FAT3: variants seen among roughly 807,000 people sequenced by gnomAD.
FAT3 encodes protocadherin Fat 3.
In FAT3, 95 loss-of-function variants were observed where a neutral mutation model predicts 310.2. The observed-to-expected ratio is 0.31, with a 90% confidence interval of 0.26 to 0.36. FAT3 has a LOEUF of 0.36. Among genes scored for constraint, FAT3 ranks in the 10% least tolerant of loss-of-function variants. The pLI, the probability that FAT3 is intolerant of heterozygous loss-of-function variation, is 1.00. For missense variants in FAT3, 5,408 were observed against 5,715.6 expected, an observed-to-expected ratio of 0.95 and a Z score of 1.74; for synonymous variants, 2,314 against 2,192.9, an observed-to-expected ratio of 1.06 and a Z score of -1.54.
intron 1 of FAT3, among the ~76,000 whole-genome samples, chr11:92,226,298 C>G (rs1863905536): frequency 6.6e-6 from 1 of 152,142 alleles, no homozygotes; most frequent in Non-Finnish European, 1.5e-5. Flanking sequence ...TCTCCTCTCT[C>G]GTTGACTTTT....
At chr11:92,428,038 G>A (rs186596990) in intron 2 of FAT3, among the ~76,000 whole-genome samples, 3 of 151,954 alleles carry the variant, frequency 2.0e-5, no homozygotes, top group East Asian at 3.9e-4. Context: ...ATTAGTTACT[G>A]CTTCAATTTC....
chr11:92,276,253 A>C (rs1159370044), intron 1 of FAT3, among the ~76,000 whole-genome samples: 1 of 152,172 alleles, frequency 6.6e-6, no homozygotes, highest in South Asian at 2.1e-4. Flanking sequence ...ATGAGTCACA[A>C]AATTGTAAAA....
At chr11:92,471,254 G>T (rs1951895060) in intron 2 of FAT3, among the ~76,000 whole-genome samples, 1 of 152,056 alleles carries the variant, frequency 6.6e-6, no homozygotes, top group East Asian at 1.9e-4. Flanking sequence ...AATTATTGGG[G>T]CAAAGGGTGA....
intron 19 of FAT3, among the ~76,000 whole-genome samples, chr11:92,850,686 G>A (rs1355604862): frequency 6.6e-6 from 1 of 152,190 alleles, no homozygotes; most frequent in East Asian, 1.9e-4. Flanking sequence ...AATGTATGAG[G>A]CAGCAACATA....
At chr11:92,660,013 A>G (rs1942723650) in intron 3 of FAT3, among the ~76,000 whole-genome samples, 2 of 152,158 alleles carry the variant, frequency 1.3e-5, no homozygotes. Flanking sequence ...ATGGCTGTAC[A>G]TTCCAGGCAG....
chr11:92,255,364 T>C (rs1480478576), intron 1 of FAT3, among the ~76,000 whole-genome samples: 1 of 150,242 alleles, frequency 6.7e-6, no homozygotes, highest in African/African-American at 2.4e-5. Context: ...AAGGAAAAAC[T>C]CTCAGTAGCT....
chr11:92,796,398 A>G (rs1947174822), intron 9 of FAT3, among the ~76,000 whole-genome samples: 1 of 152,226 alleles, frequency 6.6e-6, no homozygotes, highest in Admixed American at 6.5e-5. Context: ...GTCTTTTAAA[A>G]TAAGCAAGTA....
rs904089851 is a variant in FAT3 at position 92,352,341 on chromosome 11, T to A, written c.229T>A (p.Trp77Arg). 1 of 1,582,040 alleles carries A rather than the reference T, an allele frequency of 6.3e-7. No individual in the cohort carries two copies. Among genetic ancestry groups the A allele is most frequent in the Non-Finnish European group, 8.6e-7 (1 of 1,160,182 alleles). ...RMGITLIDLS[W>R]DIKYRIVSGD... ...GGGCATCACCTTAATAGATCTATCC[T>A]GGGATATCAAATACAGAATAGTGTC... Residue 77 changes from tryptophan to arginine, a missense_variant, in exon 2 of 28, where the codon TGG (tryptophan) becomes AGG (arginine). Coordinates refer to ENST00000525166, the MANE Select transcript of FAT3 (RefSeq NM_001367949.2).
intron 2 of FAT3, among the ~76,000 whole-genome samples, chr11:92,373,808 AC>A: frequency 6.6e-6 from 1 of 150,704 alleles, no homozygotes; most frequent in Admixed American, 6.6e-5. Flanking sequence ...ACACACACAC[AC>A]AGAGACATAG....
At position 92,524,809 on chromosome 11, in the gene FAT3, T is replaced by A. The variant is rs1467184484; in HGVS notation, c.3468T>A (p.Val1156=). 1 of 1,613,756 alleles carries A rather than the reference T, an allele frequency of 6.2e-7. No individual in the cohort carries two copies. The highest frequency in any genetic ancestry group is 1.7e-5 in the Admixed American group (1 of 59,958). Residue 1156 remains valine (V), a synonymous_variant, in exon 3 of 28, where the codon GTT becomes GTA. Transcript: ENST00000525166. ...CCTCAGAACCTATATATTATCCTGT[T>A]GTCATGGAAAACTCTCCAAAGGACG... ...PLTSEPIYYP[V]VMENSPKDVS...
chr11:92,407,099 T>C (rs1950151633), intron 2 of FAT3, among the ~76,000 whole-genome samples: 2 of 152,224 alleles, frequency 1.3e-5, no homozygotes, highest in Non-Finnish European at 2.9e-5. Flanking sequence ...AACCTTGTAC[T>C]ATCTCTGCTT....
intron 1 of FAT3, among the ~76,000 whole-genome samples, chr11:92,251,535 T>G (rs967867634): frequency 2.6e-5 from 4 of 152,184 alleles, no homozygotes; most frequent in Non-Finnish European, 5.9e-5. Context: ...CCAGTTAGTT[T>G]TCCTATTCTA....
rs771171177 is a variant in FAT3 at position 92,883,007 on chromosome 11, A to T, written c.12551A>T (p.Tyr4184Phe). The change falls in exon 24 of 28, where the codon TAC (tyrosine) becomes TTC (phenylalanine). Residue 4184 changes from tyrosine (Y) to phenylalanine (F), a missense_variant. Coordinates refer to ENST00000525166, the MANE Select transcript of FAT3 (RefSeq NM_001367949.2). This position sits in a 1 kb window ranked among gnomAD's most constrained non-coding sequence, Gnocchi z 4.2. ...CGCAAGAAGGTCTTCCGCAAGAACT[A>T]CTCCCGCAACAACATCACGCTAGTG... Reference protein sequence around the residue: ...VFRKKVFRKNYSRNNITLVQD... With the variant: ...VFRKKVFRKNFSRNNITLVQD... 1 of 1,613,750 alleles carries T rather than the reference A, an allele frequency of 6.2e-7. No individual in the cohort carries two copies. The highest frequency in any genetic ancestry group is 8.5e-7 in the Non-Finnish European group (1 of 1,179,860).
At chr11:92,745,990 G>C (rs1247809707) in intron 4 of FAT3, among the ~76,000 whole-genome samples, 1 of 152,202 alleles carries the variant, frequency 6.6e-6, no homozygotes, top group African/African-American at 2.4e-5. Flanking sequence ...TTTGGACAAA[G>C]AGAAAGCTCA....
chr11:92,600,246 C>T (rs1423062956), intron 3 of FAT3, among the ~76,000 whole-genome samples: 1 of 152,140 alleles, frequency 6.6e-6, no homozygotes, highest in Non-Finnish European at 1.5e-5. Context: ...AAAATTATGC[C>T]TTAAAAAAGT....
At chr11:92,625,415 A>G (rs1345187899) in intron 3 of FAT3, among the ~76,000 whole-genome samples, 2 of 152,118 alleles carry the variant, frequency 1.3e-5, no homozygotes, top group African/African-American at 4.8e-5. Flanking sequence ...TGTTTGGATG[A>G]CATTAATCCA....
chr11:92,478,919 T>G (rs1304078076), intron 2 of FAT3, among the ~76,000 whole-genome samples: 1 of 146,904 alleles, frequency 6.8e-6, no homozygotes, highest in African/African-American at 2.6e-5. Context: ...CCTGGCTGGC[T>G]TTCTTTCTTT....
chr11:92,817,819 A>T (rs1947860622), intron 13 of FAT3, among the ~76,000 whole-genome samples: 1 of 152,218 alleles, frequency 6.6e-6, no homozygotes, highest in Non-Finnish European at 1.5e-5. Flanking sequence ...ACCTTCAGTG[A>T]ATCTCTCCAG....
At chr11:92,442,111 A>ATATATATATAT (rs1453396603) in intron 2 of FAT3, among the ~76,000 whole-genome samples, 1 of 45,222 alleles carries the variant, frequency 2.2e-5, no homozygotes, top group African/African-American at 1.8e-4. Context: ...ATATATATAT[A>ATATATATATAT]TTTTTTTTTT....
Sources: gnomAD v4.1 joint callset for allele counts (sites outside exome capture counted in the v4.1 genomes callset) on GRCh38, gnomAD v4.1.1 for gene constraint, Gnocchi (gnomAD v3.1) non-coding constraint, MANE v1.5 for transcripts, NCBI Gene and HGNC (gene_info 2026-07-23, HGNC 2026-07-21) for gene names.